Variants in ACSS3 observed in about 807,000 individuals in gnomAD.
The protein encoded by ACSS3 is acyl-CoA synthetase short-chain family member 3, mitochondrial.
In ACSS3, 64 loss-of-function variants were observed where a neutral mutation model predicts 84.2. That is an observed-to-expected ratio of 0.76 (90% CI 0.62 to 0.94). The LOEUF (loss-of-function observed/expected upper bound fraction) is 0.94, where lower values mean the gene tolerates loss of function less well. Ranked by LOEUF, ACSS3 falls within the 40% of genes least tolerant of loss-of-function variation. The pLI is 0.00. For missense variants in ACSS3, 815 were observed against 867.6 expected (o/e 0.94, Z 0.76); for synonymous variants, 317 against 310.1 (o/e 1.02, Z -0.23).
At chr12:81,170,667 G>T (rs997548890) in intron 7 of ACSS3, among the ~76,000 whole-genome samples, 1 of 152,030 alleles carries the variant, frequency 6.6e-6, no homozygotes, top group Non-Finnish European at 1.5e-5. Flanking sequence ...TGTGTATGTT[G>T]TTTGTTTAAA....
chr12:81,217,649 C>G (rs1386788313), intron 10 of ACSS3, among the ~76,000 whole-genome samples: 1 of 152,036 alleles, frequency 6.6e-6, no homozygotes, highest in Non-Finnish European at 1.5e-5. Context: ...TTGAGACCAG[C>G]CTGGCCAACA....
intron 8 of ACSS3, among the ~76,000 whole-genome samples, chr12:81,198,390 A>G (rs2031940657): frequency 1.3e-5 from 2 of 152,304 alleles, no homozygotes; most frequent in South Asian, 2.1e-4. Context: ...GAGTGGAAGT[A>G]TTTGAATCTC....
At chr12:81,132,796 T>G (rs1000606378) in intron 2 of ACSS3, among the ~76,000 whole-genome samples, 1 of 152,134 alleles carries the variant, frequency 6.6e-6, no homozygotes, top group South Asian at 2.1e-4. Flanking sequence ...ACTGGCATAA[T>G]TCAAGATGCT....
In ACSS3 at chr12:81,228,055, T is replaced by C. The variant is rs558311039; in HGVS notation, c.1515-3002T>C. 2.0e-5 allele frequency among the ~76,000 whole-genome samples: 3 copies of C among 151,938 alleles called. No individual in the cohort carries two copies. The East Asian group carries it at 5.8e-4, about 30-fold the overall frequency. On this transcript the variant is annotated intron_variant, in intron 11 of 15. Coordinates refer to ENST00000548058, the MANE Select transcript of ACSS3 (RefSeq NM_024560.4). ...GAGAAAGTGAAGAGCTGAGATTTTCTATTCTTAATGATTAAGATTAAAGGT... is the reference window on the plus strand; with the variant it reads ...GAGAAAGTGAAGAGCTGAGATTTTCCATTCTTAATGATTAAGATTAAAGGT...
rs189262914 is a variant in ACSS3, at chr12:81,156,510, T to A, written c.1098+4414T>A. Reference sequence around the variant, plus strand: ...ACATAGAAAATTAATGAAAAAGAACTATTTCTTTGAAAAGATAAATGAAAT... The same window carrying A: ...ACATAGAAAATTAATGAAAAAGAACAATTTCTTTGAAAAGATAAATGAAAT... On this transcript the variant is annotated intron_variant, in intron 7 of 15. Coordinates refer to ENST00000548058, the MANE Select transcript of ACSS3 (RefSeq NM_024560.4). Among the ~76,000 whole-genome samples, 325 of 152,038 alleles carry A rather than the reference T, an allele frequency of 2.1e-3. 1 individual carries two copies. Among genetic ancestry groups the A allele is most frequent in the African/African-American group, 7.1e-3 (296 of 41,458 alleles).
At chr12:81,183,514 T>C (rs983051863) in intron 8 of ACSS3, among the ~76,000 whole-genome samples, 3 of 152,114 alleles carry the variant, frequency 2.0e-5, no homozygotes, top group African/African-American at 7.2e-5. Flanking sequence ...ACCAAAATCA[T>C]GTAGTTGCTG....
chr12:81,161,190 G>C (rs1485145834), intron 7 of ACSS3, among the ~76,000 whole-genome samples: 1 of 152,134 alleles, frequency 6.6e-6, no homozygotes, highest in East Asian at 1.9e-4. Context: ...ATTCAAATCA[G>C]AGCACTAGAG....
intron 1 of ACSS3, among the ~76,000 whole-genome samples, chr12:81,082,775 C>T (rs1016073935): frequency 2.0e-5 from 3 of 152,112 alleles, no homozygotes; most frequent in Admixed American, 2.0e-4. Context: ...TGAGTTCAAC[C>T]GTAGCTTTGC....
intron 13 of ACSS3, among the ~76,000 whole-genome samples, chr12:81,242,118 C>G (rs1183376638): frequency 6.6e-6 from 1 of 151,752 alleles, no homozygotes; most frequent in East Asian, 1.9e-4. Flanking sequence ...GCTTGTTTTT[C>G]CTCAGGTTTG....
intron 2 of ACSS3, among the ~76,000 whole-genome samples, chr12:81,131,742 G>A (rs1028479048): frequency 5.3e-5 from 8 of 152,118 alleles, no homozygotes; most frequent in South Asian, 2.1e-4. Flanking sequence ...TTGGCCATTC[G>A]GTATGATATT....
chr12:81,217,446 A>G (rs2032962458), intron 10 of ACSS3, among the ~76,000 whole-genome samples: 1 of 152,202 alleles, frequency 6.6e-6, no homozygotes, highest in Non-Finnish European at 1.5e-5. Context: ...TGTCCTCAGA[A>G]TTTGCTTGCT....
At chr12:81,160,270 A>G (rs906348603) in intron 7 of ACSS3, among the ~76,000 whole-genome samples, 1 of 152,246 alleles carries the variant, frequency 6.6e-6, no homozygotes, top group South Asian at 2.1e-4. Context: ...TGTATTTCAC[A>G]TATGGTATAC....
intron 1 of ACSS3, among the ~76,000 whole-genome samples, chr12:81,092,183 G>A (rs1593026385): frequency 6.6e-6 from 1 of 152,010 alleles, no homozygotes; most frequent in South Asian, 2.1e-4. Flanking sequence ...ATTTGTTAAT[G>A]CATTTGTTTC....
At chr12:81,154,667 T>C (rs1886776676) in intron 7 of ACSS3, among the ~76,000 whole-genome samples, 1 of 152,204 alleles carries the variant, frequency 6.6e-6, no homozygotes, top group Non-Finnish European at 1.5e-5. Context: ...CACCGTAGTC[T>C]GATTTATGTT....
intron 3 of ACSS3, among the ~76,000 whole-genome samples, chr12:81,136,295 A>G (rs1312369620): frequency 6.6e-6 from 1 of 152,162 alleles, no homozygotes; most frequent in Non-Finnish European, 1.5e-5. Context: ...CAGATAGTAA[A>G]TATTTTAGGC....
At position 81,231,079 on chromosome 12, in the gene ACSS3, T is replaced by C; in HGVS notation, c.1537T>C (p.Phe513Leu). The C allele has an allele frequency of 6.2e-7, 1 of 1,610,896 alleles. No individual in the cohort carries two copies. The highest frequency in any genetic ancestry group is 2.2e-5 in the East Asian group (1 of 44,726). ...VVKLPLPPGAFSGLWKNQEAF... is the reference protein window; with the variant it reads ...VVKLPLPPGALSGLWKNQEAF... The stretch of plus-strand genomic sequence containing the variant: ...AAGGTTACCATTGCCACCTGGGGCT[T>C]TTTCAGGACTCTGGAAGAATCAGGA... Residue 513 changes from phenylalanine (F) to leucine (L), a missense_variant, in exon 12 of 16, where the codon TTT (phenylalanine) becomes CTT (leucine). Transcript: ENST00000548058.
At chr12:81,174,464 A>G (rs1697731213) in intron 7 of ACSS3, 2 of 184,734 alleles carry the variant, frequency 1.1e-5, no homozygotes, top group African/African-American at 2.3e-5. Flanking sequence ...ACAACCATAT[A>G]TAGTTTTTTT....
chr12:81,242,560 G>A (rs996834374), intron 13 of ACSS3, among the ~76,000 whole-genome samples: 2 of 150,192 alleles, frequency 1.3e-5, no homozygotes, highest in African/African-American at 2.4e-5. Context: ...AACCAAAAAA[G>A]AGAATTTTAG....
At chr12:81,140,506 CAG>C (rs911769373) in intron 4 of ACSS3, among the ~76,000 whole-genome samples, 52 of 152,174 alleles carry the variant, frequency 3.4e-4, no homozygotes, top group African/African-American at 1.2e-3. Flanking sequence ...GATATGAGAA[CAG>C]AGTGTTAAAA....
Sources: allele counts gnomAD v4.1 joint callset (sites outside exome capture counted in the v4.1 genomes callset), GRCh38; gene constraint gnomAD v4.1.1; transcripts MANE v1.5; gene names NCBI Gene and HGNC (gene_info 2026-07-23, HGNC 2026-07-21).